Variants in NCAPG observed in about 807,000 individuals in gnomAD.
The protein encoded by NCAPG is condensin complex subunit 3.
A neutral mutation model predicts 113.1 loss-of-function variants in NCAPG; 69 were observed. The observed-to-expected ratio is 0.61, with a 90% CI of 0.50 to 0.75. The LOEUF (loss-of-function observed/expected upper bound fraction) is 0.75. Ranked by LOEUF, NCAPG falls within the 30% of genes least tolerant of loss-of-function variation. NCAPG has a pLI of 0.00. For synonymous variants in NCAPG, 370 were observed against 415.8 expected, an observed-to-expected ratio of 0.89 and a Z score of 1.34; for missense variants, 1,058 against 1,177.0, an observed-to-expected ratio of 0.90 and a Z score of 1.48.
chr4:17,832,186 G>A (rs1360851465), intron 13 of NCAPG, among the ~76,000 whole-genome samples: 1 of 152,136 alleles, frequency 6.6e-6, no homozygotes, highest in Non-Finnish European at 1.5e-5. Flanking sequence ...TGCAAAAACA[G>A]GTGGTTGAAT....
chr4:17,827,671 A>G (rs1278319901), intron 11 of NCAPG, among the ~76,000 whole-genome samples: 3 of 152,026 alleles, frequency 2.0e-5, no homozygotes, highest in African/African-American at 7.2e-5. Context: ...TGGAACATCA[A>G]GAGGAAATGT....
Position 17,832,265 on chromosome 4 carries a change from AG to A in NCAPG, c.1884+1151del, listed in dbSNP as rs568950191. Among the ~76,000 whole-genome samples, 106 of 152,304 alleles carry A rather than the reference AG, an allele frequency of 7.0e-4. 1 individual carries two copies. In the East Asian group the frequency reaches 0.02, roughly 29 times the overall value. On this transcript the variant is annotated intron_variant, in intron 13 of 20. Transcript: ENST00000251496. ...AAGTATGGAAGCAGGGATACTAATA[AG>A]GAGGGTATTTGATAATCTAGGAAAG...
Position 17,811,160 on chromosome 4 carries a change from T to C in NCAPG, c.83T>C (p.Val28Ala). Residue 28 changes from valine (V) to alanine (A), a missense_variant, in exon 1 of 21, where the codon GTG (valine) becomes GCG (alanine). Physicochemically the swap from Val to Ala is moderately conservative, Grantham distance 64. Coordinates refer to ENST00000251496, the MANE Select transcript of NCAPG (RefSeq NM_022346.5). This position sits in a 1 kb window ranked among gnomAD's most constrained non-coding sequence, Gnocchi z 5.3. ...CCGCACCAGAACCAGGCGAAGCTGG[T>C]GGTGGCGCTGAGCCGCACCTACCGC... ...QQPHQNQAKLVVALSRTYRTM... is the reference protein window; with the variant it reads ...QQPHQNQAKLAVALSRTYRTM... 6.6e-7 allele frequency: 1 copy of C among 1,513,052 alleles called. No individual in the cohort carries two copies. Among genetic ancestry groups the C allele is most frequent in the Admixed American group, 2.1e-5 (1 of 47,062 alleles). 93.7% of individuals were successfully genotyped at this position (1,513,052 alleles called of 1,614,324 possible). A position where few individuals can be genotyped will look rare whatever the true frequency, so the allele number is the denominator to read the frequency against.
intron 8 of NCAPG, 78 bp downstream of exon 8, chr4:17,823,201 A>G: frequency 1.5e-6 from 2 of 1,369,678 alleles, no homozygotes; most frequent in Non-Finnish European, 2.0e-6. Flanking sequence ...TTACAATATA[A>G]CTAAACATAT....
At chr4:17,824,430 C>G (rs997026890) in intron 9 of NCAPG, among the ~76,000 whole-genome samples, 1 of 152,066 alleles carries the variant, frequency 6.6e-6, no homozygotes, top group African/African-American at 2.4e-5. Context: ...CTACAACATG[C>G]TTAGTTGTTA....
At chr4:17,839,895 T>G in intron 17 of NCAPG, 58 bp downstream of exon 17, 1 of 1,506,796 alleles carries the variant, frequency 6.6e-7, no homozygotes, top group East Asian at 2.3e-5. Context: ...ACATGTAGAA[T>G]TTACATGGTT....
In NCAPG at chr4:17,844,499, C is replaced by T. The variant is rs1372301483; in HGVS notation, c.*1074C>T. 3 of 152,332 alleles carry T rather than the reference C, an allele frequency of 2.0e-5. No individual in the cohort carries two copies. Among genetic ancestry groups the T allele is most frequent in the Non-Finnish European group, 4.4e-5 (3 of 67,846 alleles). The allele number at this position is 152,332 out of a possible 1,614,324, so 9.4% of individuals were successfully genotyped here. On this transcript the variant is annotated 3_prime_UTR_variant, in exon 21 of 21. Transcript: ENST00000251496. The stretch of plus-strand genomic sequence containing the variant: ...ACCAAATTGCTATACATATGTGCCT[C>T]ATAGAACTTATAAAAGGAGTCAAAG...
chr4:17,816,435 C>T (rs1311151857), intron 5 of NCAPG, among the ~76,000 whole-genome samples: 1 of 152,096 alleles, frequency 6.6e-6, no homozygotes, highest in Non-Finnish European at 1.5e-5. Flanking sequence ...AGAGAATCTG[C>T]TTATAGGAAT....
chr4:17,842,186 A>C, intron 19 of NCAPG, 124 bp from the exon 20 acceptor site: 7 of 716,478 alleles, frequency 9.8e-6, no homozygotes, highest in Admixed American at 2.5e-5. Context: ...TAGAACAAGT[A>C]GGAGATACAT....
intron 12 of NCAPG, among the ~76,000 whole-genome samples, chr4:17,829,106 G>A (rs746703663): frequency 1.4e-4 from 21 of 151,930 alleles, no homozygotes; most frequent in African/African-American, 3.1e-4. Flanking sequence ...GTCTTATAGC[G>A]CATCTTAAAC....
At position 17,825,046 on chromosome 4, in the gene NCAPG, A is replaced by G. The variant is rs752617782; in HGVS notation, c.1462A>G (p.Lys488Glu). ...VNNDPADVRK[K>E]ELKMAEIKVK... ...TAACGATCCAGCTGATGTAAGAAAG[A>G]AAGAACTCAAGGTAAGTCTCTTTTA... The change falls in exon 10 of 21, where the codon AAA becomes GAA. Residue 488 changes from lysine to glutamate, a missense_variant. By Grantham distance (56) the Lys-to-Glu change is moderately conservative. Coordinates refer to ENST00000251496, the MANE Select transcript of NCAPG (RefSeq NM_022346.5). 2 of 1,611,874 alleles carry G rather than the reference A, an allele frequency of 1.2e-6. No homozygotes were observed. Among genetic ancestry groups the G allele is most frequent in the East Asian group, 2.2e-5 (1 of 44,786 alleles).
chr4:17,830,252 G>A (rs1234436956), intron 12 of NCAPG, among the ~76,000 whole-genome samples: 1 of 151,992 alleles, frequency 6.6e-6, no homozygotes, highest in African/African-American at 2.4e-5. Context: ...AATTAGCCAA[G>A]GGTGGTGACT....
Position 17,840,022 on chromosome 4 carries a change from A to G in NCAPG, c.2629-49A>G, listed in dbSNP as rs143310310. On this transcript the variant is annotated intron_variant, in intron 17 of 20. Coordinates refer to ENST00000251496, the MANE Select transcript of NCAPG (RefSeq NM_022346.5). ...ATATGTATTGGTACTATTTTCAAAGATTAGGGAATGCGGTGTTTACAAAAT... is the reference window on the plus strand; with the variant it reads ...ATATGTATTGGTACTATTTTCAAAGGTTAGGGAATGCGGTGTTTACAAAAT... The G allele has an allele frequency of 4.8e-4, 754 of 1,560,132 alleles. 4 individuals carry two copies. In the African/African-American group the frequency reaches 8.1e-3, roughly 17 times the overall value.
rs542370705 is a variant in NCAPG at position 17,842,421 on chromosome 4, CTT to C, written c.2924+46_2924+47del. The C allele has an allele frequency of 7.4e-4, 1,115 of 1,501,210 alleles. 9 individuals are homozygous for C. The African/African-American group carries it at 0.014, about 19-fold the overall frequency. 93.0% of individuals were successfully genotyped at this position (1,501,210 alleles called of 1,614,324 possible). A position where few individuals can be genotyped will look rare whatever the true frequency, so the allele number is the denominator to read the frequency against. On this transcript the variant is annotated intron_variant, in intron 20 of 20. Transcript: ENST00000251496. ...TAGAATATATGGAGGCCTATCTTCA[CTT>C]TTTATTTCTACAAGTAGAAAAAAAC...
At chr4:17,815,235 T>G in intron 4 of NCAPG, 39 bp from the exon 5 acceptor site, 1 of 1,504,828 alleles carries the variant, frequency 6.6e-7, no homozygotes, top group Non-Finnish European at 9.1e-7. Flanking sequence ...CTATAAATTG[T>G]GTTGAGGTTA....
At chr4:17,831,653 A>G (rs1014560568) in intron 13 of NCAPG, among the ~76,000 whole-genome samples, 2 of 152,190 alleles carry the variant, frequency 1.3e-5, no homozygotes, top group African/African-American at 4.8e-5. Flanking sequence ...TGGGTTTCCA[A>G]GGAGAGGCAA....
Position 17,815,359 on chromosome 4 carries a change from G to A in NCAPG, c.775+1G>A, listed in dbSNP as rs769385019. On this transcript the variant is annotated splice_donor_variant, in intron 5 of 20. Coordinates refer to ENST00000251496, the MANE Select transcript of NCAPG (RefSeq NM_022346.5). LOFTEE classifies it high-confidence loss of function. ...CAACAAGGTCTTAATGACAGATCAGGTAAGATAAACAACTTTATATATACA... is the reference window on the plus strand; with the variant it reads ...CAACAAGGTCTTAATGACAGATCAGATAAGATAAACAACTTTATATATACA... 1 of 1,580,846 alleles carries A rather than the reference G, an allele frequency of 6.3e-7. No homozygotes were observed. Among genetic ancestry groups the A allele is most frequent in the South Asian group, 1.2e-5 (1 of 85,226 alleles).
chr4:17,815,388 C>A, intron 5 of NCAPG, 30 bp downstream of exon 5: 1 of 1,512,766 alleles, frequency 6.6e-7, no homozygotes, highest in Non-Finnish European at 8.9e-7. Context: ...ATATACAAAA[C>A]TTTAGTAGAT....
Position 17,840,708 on chromosome 4 carries a change from G to T in NCAPG, c.2854+15G>T. On this transcript the variant is annotated intron_variant, in intron 19 of 20. Coordinates refer to ENST00000251496, the MANE Select transcript of NCAPG (RefSeq NM_022346.5). Reference sequence around the variant, plus strand: ...GACTAACAGAGGTAGTGTGTGGATTGACCATCTTTATGATAAAAGTTTTAA... The same window carrying T: ...GACTAACAGAGGTAGTGTGTGGATTTACCATCTTTATGATAAAAGTTTTAA... 1.4e-6 allele frequency: 2 copies of T among 1,445,918 alleles called. No individual in the cohort carries two copies. Among genetic ancestry groups the T allele is most frequent in the South Asian group, 3.2e-5 (2 of 62,096 alleles). 89.6% of individuals were successfully genotyped at this position (1,445,918 alleles called of 1,614,324 possible).
Sources: gnomAD v4.1 joint callset for allele counts (sites outside exome capture counted in the v4.1 genomes callset) on GRCh38, gnomAD v4.1.1 for gene constraint, Gnocchi (gnomAD v3.1) non-coding constraint, MANE v1.5 for transcripts, NCBI Gene and HGNC (gene_info 2026-07-23, HGNC 2026-07-21) for gene names.